The following CGNL1 variants were observed in gnomAD, a reference collection of about 807,000 sequenced individuals.
CGNL1 encodes the protein cingulin-like protein 1.
In CGNL1, 132 loss-of-function variants were observed where a neutral mutation model predicts 141.2. The observed-to-expected ratio is 0.93, with a 90% CI of 0.81 to 1.08. The LOEUF is 1.08. CGNL1 is among the 50% of genes least tolerant of loss of function. The pLI, the probability that CGNL1 is intolerant of heterozygous loss-of-function variation, is 0.00. For synonymous variants in CGNL1, 690 were observed against 622.1 expected, an observed-to-expected ratio of 1.11 and a Z score of -1.63; for missense variants, 1,870 against 1,588.6, an observed-to-expected ratio of 1.18 and a Z score of -3.01.
At position 57,439,429 on chromosome 15, in the gene CGNL1, AG is replaced by A; in HGVS notation, c.1432del (p.Glu478LysfsTer4). On this transcript the variant is annotated frameshift_variant, in exon 2 of 19. Coordinates refer to ENST00000281282, the MANE Select transcript of CGNL1 (RefSeq NM_032866.5). LOFTEE classifies it high-confidence loss of function. The stretch of plus-strand genomic sequence containing the variant: ...AAAGTTCTGGAAACCGAAGGTAGTC[AG>A]GAAAGTACAGTGATCCGTGCGCCCT... ...DGKVLETEGSQESTVIRAPSL... is the reference protein window; with the variant it reads ...DGKVLETEGSXESTVIRAPSL... 6.2e-7 allele frequency: 1 copy of A among 1,614,226 alleles called. No individual in the cohort carries two copies. Among genetic ancestry groups the A allele is most frequent in the Non-Finnish European group, 8.5e-7 (1 of 1,180,042 alleles).
At chr15:57,544,243 G>T (rs1398919128) in intron 15 of CGNL1, among the ~76,000 whole-genome samples, 2 of 152,234 alleles carry the variant, frequency 1.3e-5, no homozygotes, top group Non-Finnish European at 2.9e-5. Flanking sequence ...TTTCATTCAG[G>T]CTTATGAGGG....
intron 1 of CGNL1, among the ~76,000 whole-genome samples, chr15:57,429,305 G>A (rs16977496): frequency 0.026 from 3,947 of 152,256 alleles, 156 homozygotes; most frequent in African/African-American, 0.089. Flanking sequence ...TTTGGCTTCA[G>A]TGTAGGTTTA....
intron 14 of CGNL1, among the ~76,000 whole-genome samples, chr15:57,539,795 T>C (rs1238840020): frequency 6.6e-6 from 1 of 152,202 alleles, no homozygotes; most frequent in African/African-American, 2.4e-5. Context: ...CAGATCCTCC[T>C]TATTCTTTAT....
intron 8 of CGNL1, among the ~76,000 whole-genome samples, chr15:57,500,250 A>G (rs2064003750): frequency 6.6e-6 from 1 of 152,182 alleles, no homozygotes; most frequent in South Asian, 2.1e-4. Context: ...AGATAAGCAT[A>G]AGGAGACCCT....
At chr15:57,382,597 T>C (rs1309980508) in intron 1 of CGNL1, among the ~76,000 whole-genome samples, 2 of 152,246 alleles carry the variant, frequency 1.3e-5, no homozygotes, top group Non-Finnish European at 2.9e-5. Flanking sequence ...TGCTGGAAGA[T>C]TGAGGTAAGA....
intron 8 of CGNL1, among the ~76,000 whole-genome samples, chr15:57,505,744 G>A (rs746141564): frequency 6.6e-6 from 1 of 152,080 alleles, no homozygotes; most frequent in Non-Finnish European, 1.5e-5. Context: ...TGGGGCAAAC[G>A]GAAAAGTTGA....
intron 12 of CGNL1, chr15:57,527,766 T>A (rs977542934): frequency 6.6e-6 from 1 of 152,270 alleles, no homozygotes; most frequent in Non-Finnish European, 1.5e-5. Flanking sequence ...TGGCTTTCCC[T>A]AATGTGCCTG....
rs1181931094 is a variant in CGNL1 at position 57,544,345 on chromosome 15, G to T, written c.3376-128G>T. ...TGTTCCCCAGGTCTCCAGGCCACAGGCCCTGGTGTGGAAAGCAGCCTCATC... is the reference window on the plus strand; with the variant it reads ...TGTTCCCCAGGTCTCCAGGCCACAGTCCCTGGTGTGGAAAGCAGCCTCATC... On this transcript the variant is annotated intron_variant, in intron 15 of 18. Transcript: ENST00000281282. The T allele has an allele frequency of 2.2e-5, 25 of 1,146,260 alleles. No individual in the cohort carries two copies. The East Asian group carries it at 3.7e-4, about 17-fold the overall frequency. The allele number at this position is 1,146,260 out of a possible 1,614,324, so 71.0% of individuals were successfully genotyped here.
intron 8 of CGNL1, among the ~76,000 whole-genome samples, chr15:57,468,559 CGTGTGTGTGTGTGTGTGT>C (rs67758921): frequency 2.7e-5 from 4 of 145,846 alleles, no homozygotes; most frequent in East Asian, 2.0e-4. Flanking sequence ...AAAAAGTTTG[CGTGTGTGTGTGTGTGTGT>C]GTGTGTGTGT....
intron 8 of CGNL1, among the ~76,000 whole-genome samples, chr15:57,463,575 G>A (rs960606897): frequency 2.0e-5 from 3 of 152,224 alleles, no homozygotes; most frequent in African/African-American, 7.2e-5. Context: ...TGGGGTGTGG[G>A]CCAGCAAGGG....
chr15:57,413,179 T>C (rs1326585734), intron 1 of CGNL1, among the ~76,000 whole-genome samples: 1 of 122,744 alleles, frequency 8.1e-6, no homozygotes, highest in African/African-American at 3.2e-5. Flanking sequence ...CTTTCTTTCT[T>C]TCTTTCTCTC....
intron 8 of CGNL1, among the ~76,000 whole-genome samples, chr15:57,501,205 C>T (rs545318356): frequency 1.3e-5 from 2 of 152,332 alleles, no homozygotes; most frequent in Admixed American, 6.5e-5. Context: ...CCTGTGGGCT[C>T]TCAACTCTGG....
At chr15:57,428,309 C>A (rs1206792090) in intron 1 of CGNL1, among the ~76,000 whole-genome samples, 1 of 152,190 alleles carries the variant, frequency 6.6e-6, no homozygotes. Context: ...GTCTTAGAGA[C>A]AAAGTCTGGG....
In CGNL1 at chr15:57,524,704, C is replaced by A. The variant is rs2031502079; in HGVS notation, c.2992C>A (p.Leu998Met). 3 of 1,614,052 alleles carry A rather than the reference C, an allele frequency of 1.9e-6. No individual in the cohort carries two copies. Among genetic ancestry groups the A allele is most frequent in the Admixed American group, 1.7e-5 (1 of 60,006 alleles). Reference sequence around the variant, plus strand: ...GCAAAGACAGTTGAAGGAGAAAACGCTGGAGGCAGAAAAGTCCCGACTGAC... The same window carrying A: ...GCAAAGACAGTTGAAGGAGAAAACGATGGAGGCAGAAAAGTCCCGACTGAC... ...EMQRQLKEKT[L>M]EAEKSRLTAM... Residue 998 changes from leucine (L) to methionine (M), a missense_variant, in exon 12 of 19, where the codon CTG becomes ATG. Transcript: ENST00000281282.
At position 57,516,999 on chromosome 15, in the gene CGNL1, G is replaced by A. The variant is rs756257403; in HGVS notation, c.2610+13G>A. 13 of 1,608,840 alleles carry A rather than the reference G, an allele frequency of 8.1e-6. No homozygotes were observed. Among genetic ancestry groups the A allele is most frequent in the African/African-American group, 2.7e-5 (2 of 74,356 alleles). ...GAAGAAGTACGAGGTGAGGCTCGCTGGGCCCAGGCCCAGCTTTGGCAGCTG... is the reference window on the plus strand; with the variant it reads ...GAAGAAGTACGAGGTGAGGCTCGCTAGGCCCAGGCCCAGCTTTGGCAGCTG... On this transcript the variant is annotated intron_variant, in intron 9 of 18. Coordinates refer to ENST00000281282, the MANE Select transcript of CGNL1 (RefSeq NM_032866.5).
intron 4 of CGNL1, among the ~76,000 whole-genome samples, chr15:57,449,376 C>T (rs1352632096): frequency 6.6e-6 from 1 of 152,176 alleles, no homozygotes; most frequent in African/African-American, 2.4e-5. Flanking sequence ...CCACTCTGGA[C>T]ACTTTTCTCA....
chr15:57,398,221 C>T (rs879835529), intron 1 of CGNL1: 3 of 152,266 alleles, frequency 2.0e-5, no homozygotes, highest in Admixed American at 2.0e-4. Flanking sequence ...AAGATAAACA[C>T]ATGTTAATAT....
At chr15:57,441,472 G>T (rs1695140171) in intron 3 of CGNL1, among the ~76,000 whole-genome samples, 1 of 152,002 alleles carries the variant, frequency 6.6e-6, no homozygotes, top group South Asian at 2.1e-4. Flanking sequence ...AGGTTCAAGA[G>T]ATTCTCCTGC....
In CGNL1 at chr15:57,516,797, G is replaced by C; in HGVS notation, c.2421G>C (p.Ala807=). 1 of 1,614,108 alleles carries C rather than the reference G, an allele frequency of 6.2e-7. No individual in the cohort carries two copies. The highest frequency in any genetic ancestry group is 8.5e-7 in the Non-Finnish European group (1 of 1,180,028). Residue 807 remains alanine (A), a synonymous_variant, in exon 9 of 19, where the codon GCG becomes GCC. Coordinates refer to ENST00000281282, the MANE Select transcript of CGNL1 (RefSeq NM_032866.5). ...TTTAACAGAATGTCGAGGTCTTGGC[G>C]AGCAGGAGCAACACTTCAGAGCAAG... The part of the protein sequence containing the change: ...EEATKNVEVL[A]SRSNTSEQDQ...
Sources: gnomAD v4.1 joint callset for allele counts (sites outside exome capture counted in the v4.1 genomes callset) on GRCh38, gnomAD v4.1.1 for gene constraint, MANE v1.5 for transcripts, NCBI Gene and HGNC (gene_info 2026-07-23, HGNC 2026-07-21) for gene names.